TMEM132D: variants seen among roughly 807,000 people sequenced by gnomAD.
TMEM132D encodes the protein mature OL transmembrane protein.
Under a neutral mutation model 62.3 loss-of-function variants are expected in TMEM132D, and 21 were observed. The observed-to-expected ratio is 0.34, with a 90% CI of 0.24 to 0.49. TMEM132D has a LOEUF of 0.49. Among genes scored for constraint, TMEM132D ranks in the 20% least tolerant of loss-of-function variants. TMEM132D has a pLI of 0.99. For missense variants in TMEM132D, 1,346 were observed against 1,402.8 expected (o/e 0.96, Z 0.65); for synonymous variants, 621 against 575.6 (o/e 1.08, Z -1.13).
intron 3 of TMEM132D, among the ~76,000 whole-genome samples, chr12:129,530,805 T>C (rs1322077347): frequency 6.6e-6 from 1 of 152,098 alleles, no homozygotes; most frequent in Admixed American, 6.6e-5. Flanking sequence ...GTGGGTCAAT[T>C]CCATCTGCAT....
rs1349900011 is a variant in TMEM132D at position 129,347,697 on chromosome 12, A to C, written c.1116-9880T>G. 2.6e-5 allele frequency among the ~76,000 whole-genome samples: 4 copies of C among 152,226 alleles called. No individual in the cohort carries two copies. In the South Asian group the frequency reaches 8.3e-4, roughly 32 times the overall value. ...ACCAAAAGCAATGGCAACAAAAGAC[A>C]AAATTGACAAATGAGATCTAATTAA... is the stretch of plus-strand genomic sequence containing the variant. On this transcript the variant is annotated intron_variant, in intron 3 of 8. Coordinates refer to ENST00000422113, the MANE Select transcript of TMEM132D (RefSeq NM_133448.3).
intron 1 of TMEM132D, among the ~76,000 whole-genome samples, chr12:129,768,734 G>T (rs1480414009): frequency 6.6e-6 from 1 of 152,118 alleles, no homozygotes; most frequent in Non-Finnish European, 1.5e-5. Context: ...GCCGATGCTG[G>T]CAACAGCCTC....
intron 5 of TMEM132D, among the ~76,000 whole-genome samples, chr12:129,185,022 C>G (rs916255612): frequency 6.6e-5 from 10 of 152,202 alleles, no homozygotes; most frequent in Non-Finnish European, 1.0e-4. Flanking sequence ...CACTAAATCT[C>G]AAGTCTAAAA....
At chr12:129,503,254 C>T (rs1448138620) in intron 3 of TMEM132D, among the ~76,000 whole-genome samples, 1 of 152,064 alleles carries the variant, frequency 6.6e-6, no homozygotes, top group East Asian at 1.9e-4. Context: ...TTATATGTCA[C>T]ATGTAGAAAG....
At chr12:129,086,181 C>T (rs1031486863) in intron 5 of TMEM132D, among the ~76,000 whole-genome samples, 1 of 147,118 alleles carries the variant, frequency 6.8e-6, no homozygotes, top group Non-Finnish European at 1.5e-5. Flanking sequence ...TATCCATCAC[C>T]TCACATAGTC....
intron 4 of TMEM132D, among the ~76,000 whole-genome samples, chr12:129,310,119 A>C (rs990880457): frequency 6.6e-6 from 1 of 152,268 alleles, no homozygotes; most frequent in East Asian, 1.9e-4. Context: ...CTGGCCAAGG[A>C]GTAAGACTCA....
rs1163518512 is a variant in TMEM132D, at chr12:129,319,831, C to T, written c.1299+17803G>A. On this transcript the variant is annotated intron_variant, in intron 4 of 8. Transcript: ENST00000422113. The stretch of plus-strand genomic sequence containing the variant: ...GCTGAGTGAGGAAATTGATGGCATG[C>T]GAATCTCAGTTATACATGATACAGA... 2.0e-4 allele frequency among the ~76,000 whole-genome samples: 30 copies of T among 152,170 alleles called. 1 individual carries two copies. The highest frequency in any genetic ancestry group is 1.5e-3 in the Admixed American group (23 of 15,282).
chr12:129,863,412 CA>C (rs1407832646), intron 1 of TMEM132D, among the ~76,000 whole-genome samples: 1 of 152,210 alleles, frequency 6.6e-6, no homozygotes, highest in Admixed American at 6.5e-5. Flanking sequence ...CTCACATTAA[CA>C]CGGCGAGTCT....
intron 5 of TMEM132D, among the ~76,000 whole-genome samples, chr12:129,167,170 A>AT (rs1565984785): frequency 1.9e-5 from 1 of 51,288 alleles, no homozygotes; most frequent in Non-Finnish European, 3.2e-5. Flanking sequence ...AAAAAAAAAA[A>AT]CAAAAAAAAA....
At chr12:129,392,817 C>T (rs866966476) in intron 3 of TMEM132D, among the ~76,000 whole-genome samples, 3 of 152,114 alleles carry the variant, frequency 2.0e-5, no homozygotes, top group Non-Finnish European at 4.4e-5. Flanking sequence ...ATGGCAAACT[C>T]GAATGTCTAC....
intron 2 of TMEM132D, among the ~76,000 whole-genome samples, chr12:129,694,248 T>C (rs1031951137): frequency 3.3e-5 from 5 of 152,146 alleles, no homozygotes; most frequent in African/African-American, 1.2e-4. Context: ...AACATGGCAC[T>C]TTGCCTCTGT....
chr12:129,087,319 G>A (rs1874652749), intron 5 of TMEM132D, among the ~76,000 whole-genome samples: 1 of 151,790 alleles, frequency 6.6e-6, no homozygotes, highest in Admixed American at 6.6e-5. Context: ...CTTTGTTAAG[G>A]CTGAATAGTA....
chr12:129,792,385 C>T lies in TMEM132D; in HGVS notation c.80-91687G>A, dbSNP rs77557864. Among the ~76,000 whole-genome samples, 57 of 152,210 alleles carry T rather than the reference C, an allele frequency of 3.7e-4. 2 individuals carry two copies. The East Asian group carries it at 0.011, about 29-fold the overall frequency. On this transcript the variant is annotated intron_variant, in intron 1 of 8. Coordinates refer to ENST00000422113, the MANE Select transcript of TMEM132D (RefSeq NM_133448.3). ...AAAACGGGATCAATGTGTATGTACCCGGTTATTGCTGGAATGAGACAGAAA... is the reference window on the plus strand; with the variant it reads ...AAAACGGGATCAATGTGTATGTACCTGGTTATTGCTGGAATGAGACAGAAA...
At chr12:129,652,393 C>T (rs1256751099) in intron 2 of TMEM132D, among the ~76,000 whole-genome samples, 2 of 152,068 alleles carry the variant, frequency 1.3e-5, no homozygotes, top group African/African-American at 2.4e-5. Flanking sequence ...CTGGAACCTG[C>T]GAATGTATTA....
At chr12:129,245,662 T>C (rs1880081113) in intron 4 of TMEM132D, among the ~76,000 whole-genome samples, 1 of 152,130 alleles carries the variant, frequency 6.6e-6, no homozygotes, top group African/African-American at 2.4e-5. Flanking sequence ...TGTGATGTGT[T>C]TGTAAAAGGC....
At chr12:129,899,394 AATGGATGGATGCATGG>A (rs72347836) in intron 1 of TMEM132D, among the ~76,000 whole-genome samples, 13,476 of 92,902 alleles carry the variant, frequency 0.15, 1,160 homozygotes, top group Middle Eastern at 0.38. Flanking sequence ...ATGGGTGGAT[AATGGATGGATGCATGG>A]ATGGATGGAT....
intron 5 of TMEM132D, among the ~76,000 whole-genome samples, chr12:129,129,493 C>T (rs1433026096): frequency 6.6e-6 from 1 of 152,162 alleles, no homozygotes; most frequent in African/African-American, 2.4e-5. Flanking sequence ...TGTTTTCCTT[C>T]AGATATATGC....
intron 4 of TMEM132D, among the ~76,000 whole-genome samples, chr12:129,273,363 A>T (rs1880910293): frequency 6.6e-6 from 1 of 151,542 alleles, no homozygotes; most frequent in South Asian, 2.1e-4. Context: ...TAAGGAACTT[A>T]AAACAGAACT....
At chr12:129,554,100 C>G (rs117187057) in intron 2 of TMEM132D, among the ~76,000 whole-genome samples, 1 of 152,162 alleles carries the variant, frequency 6.6e-6, no homozygotes, top group Admixed American at 6.5e-5. Context: ...CATACTCCCC[C>G]CTGTGTGATT....
Sources: gnomAD v4.1 joint callset for allele counts (sites outside exome capture counted in the v4.1 genomes callset) on GRCh38, gnomAD v4.1.1 for gene constraint, MANE v1.5 for transcripts, NCBI Gene and HGNC (gene_info 2026-07-23, HGNC 2026-07-21) for gene names.